RBFOX1: variants seen among roughly 807,000 people sequenced by gnomAD.
RBFOX1 encodes RNA binding fox-1 homolog 1.
RBFOX1 carries 8 observed loss-of-function variants against 57.7 expected under a neutral mutation model. The ratio of observed to expected loss-of-function variants is 0.14; its 90% confidence interval spans 0.08 to 0.25. The LOEUF (loss-of-function observed/expected upper bound fraction) is 0.25, where lower values mean the gene tolerates loss of function less well. RBFOX1 is among the 10% of genes least tolerant of loss of function. The pLI is 1.00. For missense variants in RBFOX1, 611 were observed against 548.5 expected (o/e 1.11, Z -1.14); for synonymous variants, 326 against 222.4 (o/e 1.47, Z -4.15).
chr16:7,236,664 G>C lies in RBFOX1; in HGVS notation c.27+184566G>C, dbSNP rs577291420. ...TCTATGTGGCTTTTAGTAGTTGTTT[G>C]CAGAAGTAATTTAGTAACTTTACTT... On this transcript the variant is annotated intron_variant, in intron 4 of 15. Coordinates refer to ENST00000550418, the MANE Select transcript of RBFOX1 (RefSeq NM_018723.4). Among the ~76,000 whole-genome samples the C allele has an allele frequency of 1.1e-3, 160 of 152,188 alleles. 1 individual carries two copies. The highest frequency in any genetic ancestry group is 3.6e-3 in the African/African-American group (151 of 41,520).
chr16:6,964,978 A>C lies in RBFOX1; in HGVS notation c.-15-87079A>C, dbSNP rs566244944. ...AGGCACTTAGCAGCGAGTGTGGCCT[A>C]TCCTACGTGCTTCATAAATGATGGT... is the stretch of plus-strand genomic sequence containing the variant. On this transcript the variant is annotated intron_variant, in intron 3 of 15. Coordinates refer to ENST00000550418, the MANE Select transcript of RBFOX1 (RefSeq NM_018723.4). Among the ~76,000 whole-genome samples, 12 of 152,266 alleles carry C rather than the reference A, an allele frequency of 7.9e-5. No homozygotes were observed. In the South Asian group the frequency reaches 2.5e-3, roughly 32 times the overall value.
chr16:5,723,630 G>A (rs767993941), intron 3 of RBFOX1, among the ~76,000 whole-genome samples: 3 of 151,400 alleles, frequency 2.0e-5, no homozygotes, highest in Non-Finnish European at 4.4e-5. Context: ...GGTGTCTGAG[G>A]TCTGATTTTG....
rs112405871 is a variant in RBFOX1, at chr16:6,557,164, C to CAT, written c.-63-97427_-63-97426dup. Among the ~76,000 whole-genome samples, 104 of 144,534 alleles carry CAT rather than the reference C, an allele frequency of 7.2e-4. 1 individual carries two copies. Among genetic ancestry groups the CAT allele is most frequent in the South Asian group, 1.3e-3 (6 of 4,636 alleles). 94.8% of individuals were successfully genotyped at this position (144,534 alleles called of 152,430 possible). ...ACATATATACACACATATATATACA[C>CAT]ATATATATATATACATATATATAAT... On this transcript the variant is annotated intron_variant, in intron 2 of 15. Transcript: ENST00000550418.
intron 3 of RBFOX1, among the ~76,000 whole-genome samples, chr16:6,857,759 C>T (rs186369241): frequency 2.6e-5 from 4 of 152,202 alleles, no homozygotes; most frequent in African/African-American, 9.6e-5. Context: ...CAGTGGAATG[C>T]GAATTTTGTT....
rs540040809 is a variant in RBFOX1, at chr16:7,124,416, A to G, written c.27+72318A>G. On this transcript the variant is annotated intron_variant, in intron 4 of 15. Coordinates refer to ENST00000550418, the MANE Select transcript of RBFOX1 (RefSeq NM_018723.4). ...GTGACAGAATGAAACTCTGTCATAAATAAATAGATAAAGCTGATACAGTAT... is the reference window on the plus strand; with the variant it reads ...GTGACAGAATGAAACTCTGTCATAAGTAAATAGATAAAGCTGATACAGTAT... Among the ~76,000 whole-genome samples, 4 of 152,230 alleles carry G rather than the reference A, an allele frequency of 2.6e-5. No individual in the cohort carries two copies. In the South Asian group the frequency reaches 8.3e-4, roughly 32 times the overall value.
At chr16:7,493,764 G>T (rs1190966284) in intron 4 of RBFOX1, among the ~76,000 whole-genome samples, 1 of 152,230 alleles carries the variant, frequency 6.6e-6, no homozygotes, top group Non-Finnish European at 1.5e-5. Context: ...CTTTACGTCA[G>T]TTGAGAAATC....
intron 2 of RBFOX1, among the ~76,000 whole-genome samples, chr16:6,518,814 TC>T (rs2096441454): frequency 9.1e-6 from 1 of 110,202 alleles, no homozygotes; most frequent in Admixed American, 9.9e-5. Context: ...TATCTATCTA[TC>T]TATCTATCTA....
chr16:7,000,596 C>CTTTCTTT (rs2092697254), intron 3 of RBFOX1, among the ~76,000 whole-genome samples: 34 of 92,536 alleles, frequency 3.7e-4, no homozygotes, highest in Non-Finnish European at 4.9e-4. Flanking sequence ...CTTTTTCTTT[C>CTTTCTTT]TTTTTTTTTT....
chr16:6,631,303 G>GA (rs1436421233), intron 2 of RBFOX1, among the ~76,000 whole-genome samples: 3 of 151,988 alleles, frequency 2.0e-5, no homozygotes, highest in Non-Finnish European at 1.5e-5. Context: ...GTGTACGAGA[G>GA]ACAGAGATGC....
intron 3 of RBFOX1, among the ~76,000 whole-genome samples, chr16:5,734,377 G>C (rs2052496049): frequency 6.6e-6 from 1 of 152,112 alleles, no homozygotes; most frequent in African/African-American, 2.4e-5. Context: ...GCAGTTAGCT[G>C]TAATTGTGCC....
intron 4 of RBFOX1, chr16:7,304,607 G>T (rs974790884): frequency 2.0e-6 from 2 of 983,114 alleles, no homozygotes; most frequent in Non-Finnish European, 2.4e-6. Flanking sequence ...CCCGCGTTGC[G>T]ATGGAAAGGG....
chr16:7,344,693 T>G (rs1254827811), intron 4 of RBFOX1, among the ~76,000 whole-genome samples: 2 of 152,174 alleles, frequency 1.3e-5, no homozygotes, highest in Non-Finnish European at 2.9e-5. Flanking sequence ...AGACTTATTT[T>G]AAAAGGAAAC....
intron 2 of RBFOX1, among the ~76,000 whole-genome samples, chr16:6,468,319 G>GCTA (rs1232729981): frequency 6.6e-6 from 1 of 152,178 alleles, no homozygotes; most frequent in East Asian, 1.9e-4. Flanking sequence ...GAATGGCAAG[G>GCTA]CTACATTCAT....
chr16:5,909,594 A>G (rs979066559), intron 4 of RBFOX1, among the ~76,000 whole-genome samples: 2 of 152,142 alleles, frequency 1.3e-5, no homozygotes, highest in East Asian at 1.9e-4. Flanking sequence ...TATCCTGAGT[A>G]TAAGTGAAGC....
chr16:7,172,488 T>G (rs574337734), intron 4 of RBFOX1, among the ~76,000 whole-genome samples: 1 of 152,300 alleles, frequency 6.6e-6, no homozygotes, highest in Admixed American at 6.5e-5. Context: ...CCCCAGCCTT[T>G]TATCAGCAAA....
chr16:5,613,499 G>T (rs1342660397), intron 3 of RBFOX1, among the ~76,000 whole-genome samples: 1 of 152,114 alleles, frequency 6.6e-6, no homozygotes, highest in Non-Finnish European at 1.5e-5. Flanking sequence ...GAGATTTGTG[G>T]TCTAAAACTG....
intron 1 of RBFOX1, among the ~76,000 whole-genome samples, chr16:5,321,433 C>A (rs1437222317): frequency 6.6e-6 from 1 of 152,092 alleles, no homozygotes. Flanking sequence ...CATTATCCTG[C>A]CTCAGCCTCC....
At chr16:5,676,131 C>G (rs1435954673) in intron 3 of RBFOX1, among the ~76,000 whole-genome samples, 1 of 152,030 alleles carries the variant, frequency 6.6e-6, no homozygotes, top group African/African-American at 2.4e-5. Flanking sequence ...AGGACAAATA[C>G]CTAATTCAAG....
At chr16:6,793,527 T>C (rs2083365307) in intron 3 of RBFOX1, among the ~76,000 whole-genome samples, 1 of 152,212 alleles carries the variant, frequency 6.6e-6, no homozygotes, top group Admixed American at 6.5e-5. Flanking sequence ...CAAACATTTC[T>C]AGGTCTTTGT....
Sources: gnomAD v4.1 joint callset for allele counts (sites outside exome capture counted in the v4.1 genomes callset) on GRCh38, gnomAD v4.1.1 for gene constraint, MANE v1.5 for transcripts, NCBI Gene and HGNC (gene_info 2026-07-23, HGNC 2026-07-21) for gene names.